PAPPA2: variants seen among roughly 807,000 people sequenced by gnomAD.
PAPPA2 encodes pappalysin-2.
PAPPA2 carries 86 observed loss-of-function variants against 176.4 expected under a neutral mutation model. The observed-to-expected ratio is 0.49, with a 90% confidence interval of 0.41 to 0.58. The LOEUF (loss-of-function observed/expected upper bound fraction) is 0.58, where lower values mean the gene tolerates loss of function less well. Ranked by LOEUF, PAPPA2 falls within the 20% of genes least tolerant of loss-of-function variation. The pLI is 0.00. For synonymous variants in PAPPA2, 809 were observed against 852.2 expected, an observed-to-expected ratio of 0.95 and a Z score of 0.88; for missense variants, 2,073 against 2,256.9, an observed-to-expected ratio of 0.92 and a Z score of 1.65.
chr1:176,678,493 A>T (rs879803932), intron 4 of PAPPA2, among the ~76,000 whole-genome samples: 2 of 152,068 alleles, frequency 1.3e-5, no homozygotes, highest in Non-Finnish European at 2.9e-5. Flanking sequence ...ACAGCAATTT[A>T]ATGTATATGA....
At chr1:176,503,411 C>T (rs1648074788) in intron 1 of PAPPA2, among the ~76,000 whole-genome samples, 1 of 152,116 alleles carries the variant, frequency 6.6e-6, no homozygotes, top group African/African-American at 2.4e-5. Context: ...TCTCATGTAA[C>T]ATAATTTCTT....
chr1:176,838,588 A>T (rs1667363991), intron 21 of PAPPA2, among the ~76,000 whole-genome samples: 1 of 152,224 alleles, frequency 6.6e-6, no homozygotes, highest in Non-Finnish European at 1.5e-5. Context: ...GGTGTTAAGG[A>T]TGCACTAGTT....
At chr1:176,841,941 G>C (rs56785672) in intron 22 of PAPPA2, among the ~76,000 whole-genome samples, 10,423 of 152,090 alleles carry the variant, frequency 0.069, 452 homozygotes, top group South Asian at 0.14. Context: ...CACATCTCTT[G>C]CCCTTCCCTG....
intron 21 of PAPPA2, among the ~76,000 whole-genome samples, chr1:176,810,614 G>A (rs1034874848): frequency 3.3e-5 from 5 of 152,154 alleles, no homozygotes; most frequent in Non-Finnish European, 5.9e-5. Context: ...TGTGTGGCCC[G>A]GTTCTAACAG....
chr1:176,564,973 G>A (rs1651880576), intron 2 of PAPPA2, among the ~76,000 whole-genome samples: 1 of 151,940 alleles, frequency 6.6e-6, no homozygotes, highest in Admixed American at 6.6e-5. Flanking sequence ...ATAGCCATCA[G>A]CAACCTACTC....
At chr1:176,740,666 A>G (rs772987533) in intron 14 of PAPPA2, among the ~76,000 whole-genome samples, 5 of 152,182 alleles carry the variant, frequency 3.3e-5, no homozygotes, top group Non-Finnish European at 7.3e-5. Context: ...CATTAGCTAC[A>G]TATGTCTTTC....
At chr1:176,782,119 T>C (rs1039072418) in intron 17 of PAPPA2, among the ~76,000 whole-genome samples, 5 of 152,194 alleles carry the variant, frequency 3.3e-5, no homozygotes, top group Non-Finnish European at 5.9e-5. Flanking sequence ...CATTTTATAA[T>C]ATAGGCATTT....
At chr1:176,789,127 A>G (rs1665064915) in intron 17 of PAPPA2, among the ~76,000 whole-genome samples, 1 of 152,232 alleles carries the variant, frequency 6.6e-6, no homozygotes, top group African/African-American at 2.4e-5. Context: ...TGTACTATTT[A>G]TCAAACCCTC....
At chr1:176,763,317 T>C (rs916641688) in intron 14 of PAPPA2, among the ~76,000 whole-genome samples, 1 of 152,230 alleles carries the variant, frequency 6.6e-6, no homozygotes, top group Non-Finnish European at 1.5e-5. Flanking sequence ...CTAGACTATG[T>C]ATTCCCTAAG....
intron 9 of PAPPA2, 121 bp downstream of exon 9, chr1:176,702,856 G>A (rs181415301): frequency 9.7e-6 from 13 of 1,337,590 alleles, no homozygotes; most frequent in Non-Finnish European, 1.3e-5. Flanking sequence ...TCAGGAGTTT[G>A]ACTTGTTTTG....
chr1:176,616,788 G>T, intron 3 of PAPPA2: 2 of 915,806 alleles, frequency 2.2e-6, no homozygotes, highest in Admixed American at 3.9e-5. Context: ...CATTCGAGGT[G>T]TATTAATTTA....
At chr1:176,700,904 T>C (rs1240174676) in intron 8 of PAPPA2, among the ~76,000 whole-genome samples, 2 of 152,106 alleles carry the variant, frequency 1.3e-5, no homozygotes, top group African/African-American at 4.8e-5. Flanking sequence ...ATTTGCTCTG[T>C]CAATTAGAAC....
chr1:176,648,170 C>T (rs1033499136), intron 3 of PAPPA2, among the ~76,000 whole-genome samples: 3 of 151,342 alleles, frequency 2.0e-5, no homozygotes, highest in African/African-American at 4.8e-5. Context: ...TAAATTGATT[C>T]CTAGATATTT....
intron 9 of PAPPA2, 95 bp from the exon 10 acceptor site, chr1:176,706,264 A>G (rs938698044): frequency 3.1e-5 from 35 of 1,117,838 alleles, no homozygotes; most frequent in Middle Eastern, 2.3e-4. Flanking sequence ...ACTTTTTAAT[A>G]TATACTGAGA....
At chr1:176,627,159 A>G (rs542499976) in intron 3 of PAPPA2, among the ~76,000 whole-genome samples, 1 of 152,298 alleles carries the variant, frequency 6.6e-6, no homozygotes, top group Admixed American at 6.5e-5. Context: ...GCTACCAAGA[A>G]GGTGCATTTT....
Position 176,700,454 on chromosome 1 carries a change from A to G in PAPPA2, c.3236+865A>G, listed in dbSNP as rs140860241. 9.3e-4 allele frequency among the ~76,000 whole-genome samples: 141 copies of G among 152,344 alleles called. 1 individual carries two copies. The highest frequency in any genetic ancestry group is 2.9e-3 in the African/African-American group (119 of 41,586). The stretch of plus-strand genomic sequence containing the variant: ...AACAAACATTATTTCTCATGATTCT[A>G]TAGGTAGGTTGGGTGCTCTCATCTA... On this transcript the variant is annotated intron_variant, in intron 8 of 22. Coordinates refer to ENST00000367662, the MANE Select transcript of PAPPA2 (RefSeq NM_020318.3).
chr1:176,497,613 G>GT, intron 1 of PAPPA2, among the ~76,000 whole-genome samples: 1 of 152,254 alleles, frequency 6.6e-6, no homozygotes, highest in South Asian at 2.1e-4. Flanking sequence ...CAAAAAAAAG[G>GT]TTTTTGTGGC....
chr1:176,820,055 C>T (rs1666594260), intron 21 of PAPPA2, among the ~76,000 whole-genome samples: 1 of 152,108 alleles, frequency 6.6e-6, no homozygotes, highest in African/African-American at 2.4e-5. Flanking sequence ...AAATCCTCTA[C>T]CTTATTTGGC....
chr1:176,511,497 G>T (rs551199119), intron 1 of PAPPA2, among the ~76,000 whole-genome samples: 1 of 152,256 alleles, frequency 6.6e-6, no homozygotes, highest in Non-Finnish European at 1.5e-5. Flanking sequence ...ACTTCTGTTC[G>T]ACACTCGTTG....
Sources: allele counts gnomAD v4.1 joint callset (sites outside exome capture counted in the v4.1 genomes callset), GRCh38; gene constraint gnomAD v4.1.1; transcripts MANE v1.5; gene names NCBI Gene and HGNC (gene_info 2026-07-23, HGNC 2026-07-21).